The following ZNF284 variants were observed in gnomAD, a reference collection of about 807,000 sequenced individuals.
ZNF284 encodes zinc finger protein 284.
A neutral mutation model predicts 12.9 loss-of-function variants in ZNF284; 12 were observed. That is an observed-to-expected ratio of 0.93 (90% CI 0.60 to 1.51). The LOEUF (loss-of-function observed/expected upper bound fraction) is 1.51. Among genes scored for constraint, ZNF284 ranks in the 40% most tolerant of loss-of-function variants. ZNF284 has a pLI of 0.00. For synonymous variants in ZNF284, 225 were observed against 236.5 expected (o/e 0.95, Z 0.45); for missense variants, 667 against 707.3 (o/e 0.94, Z 0.65).
At chr19:44,079,260 T>C (rs1265340912) in intron 2 of ZNF284, among the ~76,000 whole-genome samples, 1 of 152,200 alleles carries the variant, frequency 6.6e-6, no homozygotes, top group African/African-American at 2.4e-5. Context: ...TAGATAACTA[T>C]AATGAAAGTT....
chr19:44,084,188 C>T (rs565245040), intron 4 of ZNF284, among the ~76,000 whole-genome samples: 232 of 152,228 alleles, frequency 1.5e-3, no homozygotes, highest in Non-Finnish European at 3.0e-3. Flanking sequence ...GAAGAGGCGG[C>T]GTGATCCCTA....
At position 44,086,291 on chromosome 19, in the gene ZNF284, T is replaced by C. The variant is rs756497721; in HGVS notation, c.813T>C (p.Asn271=). Reference sequence around the variant, plus strand: ...AATGTGGGAAGGCCTTCATTCACAATTCCCAGCTTCGGGAACATCAAAGAA... The same window carrying C: ...AATGTGGGAAGGCCTTCATTCACAACTCCCAGCTTCGGGAACATCAAAGAA... ...CEECGKAFIH[N]SQLREHQRIH... is the part of the protein sequence containing the mutation. The change falls in exon 5 of 5, where the codon AAT becomes AAC. Residue 271 remains asparagine (N), a synonymous_variant. Coordinates refer to ENST00000421176, the MANE Select transcript of ZNF284 (RefSeq NM_001037813.4). 1.2e-6 allele frequency: 2 copies of C among 1,614,120 alleles called. No individual in the cohort carries two copies. Among genetic ancestry groups the C allele is most frequent in the South Asian group, 1.1e-5 (1 of 91,082 alleles).
chr19:44,079,322 G>T (rs73558261), intron 2 of ZNF284, among the ~76,000 whole-genome samples: 1 of 152,162 alleles, frequency 6.6e-6, no homozygotes, highest in Middle Eastern at 3.2e-3. Flanking sequence ...AGCCAGGTGC[G>T]GTGGCTCACG....
At chr19:44,076,113 A>T (rs1229206559) in intron 1 of ZNF284, among the ~76,000 whole-genome samples, 1 of 152,074 alleles carries the variant, frequency 6.6e-6, no homozygotes, top group African/African-American at 2.4e-5. Flanking sequence ...TAAATTTCCA[A>T]GTAAGATTTC....
chr19:44,080,925 T>C, intron 2 of ZNF284, 90 bp from the exon 3 acceptor site: 3 of 1,479,384 alleles, frequency 2.0e-6, no homozygotes, highest in Non-Finnish European at 9.1e-7. Flanking sequence ...CACAGCAACT[T>C]CTCACCCATC....
At chr19:44,083,474 T>TATATATATATATATAGAGAG (rs746837013) in intron 4 of ZNF284, among the ~76,000 whole-genome samples, 2 of 64,924 alleles carry the variant, frequency 3.1e-5, no homozygotes, top group Admixed American at 1.6e-4. Flanking sequence ...TATATATATA[T>TATATATATATATATAGAGAG]AGAGAGAGAG....
chr19:44,083,314 A>G (rs566183126), intron 4 of ZNF284, among the ~76,000 whole-genome samples: 1 of 151,648 alleles, frequency 6.6e-6, no homozygotes, highest in African/African-American at 2.4e-5. Flanking sequence ...CAGTCCTGTA[A>G]TCCCAGCTAC....
At chr19:44,076,912 C>T (rs1321261055) in intron 2 of ZNF284, among the ~76,000 whole-genome samples, 2 of 151,590 alleles carry the variant, frequency 1.3e-5, no homozygotes, top group Admixed American at 6.6e-5. Flanking sequence ...CTCCGCCTCC[C>T]GGGTTCAAGC....
rs745918834 is a variant in ZNF284 at position 44,076,330 on chromosome 19, C to G, written c.-60C>G. On this transcript the variant is annotated 5_prime_UTR_variant, in exon 2 of 5. Transcript: ENST00000421176. ...TCCATGGCATGTTTCAGGCACAATT[C>G]TGTCTTCTCTTGAACTGCATAACTG... is the stretch of plus-strand genomic sequence containing the variant. 7.2e-6 allele frequency: 11 copies of G among 1,528,098 alleles called. No individual in the cohort carries two copies. Among genetic ancestry groups the G allele is most frequent in the Non-Finnish European group, 8.0e-6 (9 of 1,124,052 alleles). 94.7% of individuals were successfully genotyped at this position (1,528,098 alleles called of 1,614,324 possible). A position where few individuals can be genotyped will look rare whatever the true frequency, so the allele number is the denominator to read the frequency against.
Position 44,073,545 on chromosome 19 carries a change from A to ATT in ZNF284, c.-69+1269_-69+1270dup, listed in dbSNP as rs11331410. Among the ~76,000 whole-genome samples the ATT allele has an allele frequency of 5.6e-3, 790 of 140,376 alleles. 4 individuals are homozygous for ATT. The highest frequency in any genetic ancestry group is 0.019 in the African/African-American group (713 of 38,486). 92.1% of individuals were successfully genotyped at this position (140,376 alleles called of 152,430 possible). ...ATAGTAACTGTTAAACTTCGAGTGC[A>ATT]TTTTTTTTTTTTTTTTGAGACAGAG... is the stretch of plus-strand genomic sequence containing the variant. On this transcript the variant is annotated intron_variant, in intron 1 of 4. Transcript: ENST00000421176.
chr19:44,084,816 G>A (rs8104802), intron 4 of ZNF284, among the ~76,000 whole-genome samples: 80,719 of 151,906 alleles, frequency 0.53, 23,143 homozygotes, highest in Non-Finnish European at 0.66. Context: ...CAGTCTGGTG[G>A]GGGTGCAGCT....
At chr19:44,076,974 C>T (rs1967040255) in intron 2 of ZNF284, among the ~76,000 whole-genome samples, 1 of 152,052 alleles carries the variant, frequency 6.6e-6, no homozygotes, top group African/African-American at 2.4e-5. Context: ...CGCTCACCAC[C>T]ACACTTGGCT....
intron 2 of ZNF284, among the ~76,000 whole-genome samples, chr19:44,080,350 G>A (rs111981610): frequency 0.036 from 5,542 of 152,134 alleles, 277 homozygotes; most frequent in African/African-American, 0.11. Flanking sequence ...TAATCCCAGC[G>A]CTTTGGGAGG....
In ZNF284 at chr19:44,087,881, T is replaced by C; in HGVS notation, c.*621T>C. ...CTCCTGGGTTCAAACGATTCTTCCC[T>C]GCCTTGGCCTCCCGAGTAGCTGGGA... On this transcript the variant is annotated 3_prime_UTR_variant, in exon 5 of 5. Transcript: ENST00000421176. 6.6e-6 allele frequency: 1 copy of C among 151,160 alleles called. No individual in the cohort carries two copies. Among genetic ancestry groups the C allele is most frequent in the East Asian group, 1.9e-4 (1 of 5,138 alleles). The allele number at this position is 151,160 out of a possible 1,614,324, so 9.4% of individuals were successfully genotyped here.
In ZNF284 at chr19:44,086,817, A is replaced by G; in HGVS notation, c.1339A>G (p.Arg447Gly). The G allele has an allele frequency of 3.1e-6, 5 of 1,614,154 alleles. No individual in the cohort carries two copies. The highest frequency in any genetic ancestry group is 4.2e-6 in the Non-Finnish European group (5 of 1,180,024). ...ISKFNLDLHQ[R>G]VHTGERPYNC... Reference sequence around the variant, plus strand: ...TAAGTTTAATCTTGACTTGCACCAGAGGGTCCACACGGGAGAGAGACCTTA... The same window carrying G: ...TAAGTTTAATCTTGACTTGCACCAGGGGGTCCACACGGGAGAGAGACCTTA... Residue 447 changes from arginine (R) to glycine (G), a missense_variant, in exon 5 of 5, where the codon AGG becomes GGG. Arg to Gly is a moderately radical substitution (Grantham distance 125). Coordinates refer to ENST00000421176, the MANE Select transcript of ZNF284 (RefSeq NM_001037813.4).
intron 1 of ZNF284, among the ~76,000 whole-genome samples, chr19:44,073,943 G>T (rs770850800): frequency 6.6e-6 from 1 of 152,058 alleles, no homozygotes; most frequent in Non-Finnish European, 1.5e-5. Context: ...TCCCTTATGT[G>T]TTTAACTATG....
rs370111487 is a variant in ZNF284 at position 44,076,272 on chromosome 19, C to G, written c.-68-50C>G. The G allele has an allele frequency of 1.9e-5, 19 of 1,004,382 alleles. No homozygotes were observed. In the East Asian group the frequency reaches 3.4e-4, roughly 18 times the overall value. 62.2% of individuals were successfully genotyped at this position (1,004,382 alleles called of 1,614,324 possible). ...CATACTGTTGGGTGGCATCACTGAC[C>G]ACCCCTTCATGTCTCTTTTTTTTTT... On this transcript the variant is annotated intron_variant, in intron 1 of 4. Coordinates refer to ENST00000421176, the MANE Select transcript of ZNF284 (RefSeq NM_001037813.4).
At chr19:44,079,511 C>A (rs144153300) in intron 2 of ZNF284, among the ~76,000 whole-genome samples, 7,632 of 152,160 alleles carry the variant, frequency 0.05, 286 homozygotes, top group Non-Finnish European at 0.064. Flanking sequence ...AGATCGAGAC[C>A]ATCCTGGCTA....
At position 44,083,470 on chromosome 19, in the gene ZNF284, T is replaced by TAGAGAGAG. The variant is rs1282885377; in HGVS notation, c.235+1366_235+1367insGAGAGAGA. Among the ~76,000 whole-genome samples the TAGAGAGAG allele has an allele frequency of 7.3e-4, 47 of 64,506 alleles. 1 individual carries two copies. The highest frequency in any genetic ancestry group is 1.1e-3 in the Non-Finnish European group (29 of 27,190). The allele number at this position is 64,506 out of a possible 152,430, so 42.3% of individuals were successfully genotyped here. ...AAAGAAATATATATATATATATATA[T>TAGAGAGAG]ATATAGAGAGAGAGAGAGAGAGAGA... On this transcript the variant is annotated intron_variant, in intron 4 of 4. Coordinates refer to ENST00000421176, the MANE Select transcript of ZNF284 (RefSeq NM_001037813.4).
Sources: allele counts gnomAD v4.1 joint callset (sites outside exome capture counted in the v4.1 genomes callset), GRCh38; gene constraint gnomAD v4.1.1; transcripts MANE v1.5; gene names NCBI Gene and HGNC (gene_info 2026-07-23, HGNC 2026-07-21).